The following IL1RN variants were observed in gnomAD, a reference collection of about 807,000 sequenced individuals.
IL1RN encodes interleukin 1 receptor antagonist.
In IL1RN, 10 loss-of-function variants were observed where a neutral mutation model predicts 13.7. The ratio of observed to expected loss-of-function variants is 0.73; its 90% CI spans 0.45 to 1.24. The LOEUF is 1.24. Ranked by LOEUF, IL1RN falls within the 50% of genes most tolerant of loss-of-function variation. The pLI, the probability that IL1RN is intolerant of heterozygous loss-of-function variation, is 0.00. For missense variants in IL1RN, 213 were observed against 222.1 expected, an observed-to-expected ratio of 0.96 and a Z score of 0.26; for synonymous variants, 102 against 82.7, an observed-to-expected ratio of 1.23 and a Z score of -1.27.
rs1246142733 is a variant in IL1RN at position 113,127,757 on chromosome 2, G to A, written c.116+17G>A. ...AGCCTTCAGGTAAGGCTACCCCAAG[G>A]AGGAGAAGGTGAGGGTGGATCAGCT... On this transcript the variant is annotated intron_variant, in intron 1 of 3. Coordinates refer to ENST00000409930, the MANE Select transcript of IL1RN (RefSeq NM_173842.3). 2.5e-6 allele frequency: 4 copies of A among 1,612,582 alleles called. No homozygotes were observed. Among genetic ancestry groups the A allele is most frequent in the African/African-American group, 2.7e-5 (2 of 74,876 alleles).
upstream of IL1RN, chr2:113,127,481 T>C (rs1558867283): frequency 1.4e-6 from 2 of 1,439,648 alleles, no homozygotes; most frequent in Non-Finnish European, 9.1e-7. Context: ...CAAGGGTTTC[T>C]CTTTTTGGAA....
upstream of IL1RN, among the ~76,000 whole-genome samples, chr2:113,105,091 G>A (rs556813801): frequency 1.8e-4 from 27 of 152,186 alleles, no homozygotes; most frequent in Non-Finnish European, 3.8e-4. Context: ...TTTCAGAGGA[G>A]GTAGCCTCGT....
upstream of IL1RN, among the ~76,000 whole-genome samples, chr2:113,108,404 TC>T (rs1349115161): frequency 6.6e-6 from 1 of 151,778 alleles, no homozygotes; most frequent in African/African-American, 2.4e-5. Context: ...ATGCTATCCG[TC>T]CCCCCTCCCC....
At chr2:113,100,836 A>T in the IL1RN span, among the ~76,000 whole-genome samples, 143 of 152,340 alleles carry the variant, frequency 9.4e-4, 2 homozygotes, top group East Asian at 0.023. Context: ...CTGCCAGTGG[A>T]TGGGCGATCA....
intron 3 of IL1RN, among the ~76,000 whole-genome samples, chr2:113,131,490 T>G (rs1219227887): frequency 6.6e-6 from 1 of 152,140 alleles, no homozygotes; most frequent in Non-Finnish European, 1.5e-5. Context: ...TTATGACTTC[T>G]GCTTGCATCA....
intron 3 of IL1RN, among the ~76,000 whole-genome samples, chr2:113,131,748 T>C (rs957552383): frequency 3.9e-5 from 6 of 152,166 alleles, no homozygotes; most frequent in Admixed American, 1.3e-4. Flanking sequence ...AATTGATTAG[T>C]TGGTGCTCCA....
intron 1 of IL1RN, among the ~76,000 whole-genome samples, chr2:113,118,511 C>T (rs1322761464): frequency 1.3e-5 from 2 of 152,098 alleles, no homozygotes; most frequent in Admixed American, 6.5e-5. Flanking sequence ...CCAGTTGTCA[C>T]AAGAGAATGC....
intron 1 of IL1RN, among the ~76,000 whole-genome samples, chr2:113,112,408 G>A (rs554810134): frequency 6.6e-6 from 1 of 151,982 alleles, no homozygotes; most frequent in African/African-American, 2.4e-5. Flanking sequence ...AGTCCTTCCC[G>A]CCAGAATGCC....
upstream of IL1RN, among the ~76,000 whole-genome samples, chr2:113,113,688 T>C (rs754195079): frequency 2.0e-5 from 3 of 152,190 alleles, no homozygotes; most frequent in Admixed American, 1.3e-4. Context: ...AGTATACTTA[T>C]CCCCAAACTA....
At chr2:113,121,729 C>T in intron 2 of IL1RN, 1 of 490,788 alleles carries the variant, frequency 2.0e-6, no homozygotes, top group Non-Finnish European at 2.6e-6. Flanking sequence ...GGTGGTCACC[C>T]TGATAGCAGC....
At chr2:113,119,959 G>T in intron 1 of IL1RN, 1 of 863,128 alleles carries the variant, frequency 1.2e-6, no homozygotes, top group East Asian at 2.6e-5. Flanking sequence ...GTAAAGGATA[G>T]AGATGGAACC....
chr2:113,100,483 C>T, the IL1RN span, among the ~76,000 whole-genome samples: 7 of 152,166 alleles, frequency 4.6e-5, no homozygotes, highest in African/African-American at 1.7e-4. Context: ...GCACTGGTCC[C>T]TTATGGAGAC....
At chr2:113,112,845 A>C (rs1686523928) in intron 1 of IL1RN, among the ~76,000 whole-genome samples, 1 of 152,220 alleles carries the variant, frequency 6.6e-6, no homozygotes, top group African/African-American at 2.4e-5. Flanking sequence ...CTCAGAATCT[A>C]ATACTGCACT....
At position 113,132,716 on chromosome 2, in the gene IL1RN, C is replaced by A; in HGVS notation, c.379C>A (p.Arg127Ser). 6.2e-7 allele frequency: 1 copy of A among 1,614,258 alleles called. No individual in the cohort carries two copies. Reference sequence around the variant, plus strand: ...GCAGGACAAGCGCTTCGCCTTCATCCGCTCAGACAGTGGCCCCACCACCAG... The same window carrying A: ...GCAGGACAAGCGCTTCGCCTTCATCAGCTCAGACAGTGGCCCCACCACCAG... Reference protein sequence around the residue: ...RKQDKRFAFIRSDSGPTTSFE... With the variant: ...RKQDKRFAFISSDSGPTTSFE... The change falls in exon 4 of 4, where the codon CGC becomes AGC. Residue 127 changes from arginine to serine, a missense_variant. Coordinates refer to ENST00000409930, the MANE Select transcript of IL1RN (RefSeq NM_173842.3).
upstream of IL1RN, among the ~76,000 whole-genome samples, chr2:113,125,497 C>T (rs2104448023): frequency 6.6e-6 from 1 of 152,350 alleles, no homozygotes. Flanking sequence ...AAATCCATCA[C>T]CCAGGGAGGT....
intron 1 of IL1RN, among the ~76,000 whole-genome samples, chr2:113,111,989 C>T (rs62158853): frequency 0.32 from 48,729 of 152,148 alleles, 8,543 homozygotes; most frequent in Middle Eastern, 0.49. Context: ...TGAGGCAACC[C>T]CAGACTTTGG....
At chr2:113,120,360 G>A (rs1262723516) in intron 2 of IL1RN, among the ~76,000 whole-genome samples, 1 of 151,828 alleles carries the variant, frequency 6.6e-6, no homozygotes, top group Non-Finnish European at 1.5e-5. Context: ...ATGTATGTAT[G>A]TATGTATGCA....
At chr2:113,108,834 A>G (rs1265148159), upstream of IL1RN, among the ~76,000 whole-genome samples, 1 of 152,238 alleles carries the variant, frequency 6.6e-6, no homozygotes, top group Non-Finnish European at 1.5e-5. Context: ...AAATGTTAAG[A>G]CAAATTAAAA....
At chr2:113,105,070 CGGA>C (rs778078709), upstream of IL1RN, among the ~76,000 whole-genome samples, 164 of 152,182 alleles carry the variant, frequency 1.1e-3, no homozygotes, top group Admixed American at 3.7e-3. Flanking sequence ...GAGGAATGCA[CGGA>C]GGAGATCTTT....
Sources: gnomAD v4.1 joint callset for allele counts (sites outside exome capture counted in the v4.1 genomes callset) on GRCh38, gnomAD v4.1.1 for gene constraint, MANE v1.5 for transcripts, NCBI Gene and HGNC (gene_info 2026-07-23, HGNC 2026-07-21) for gene names.